Variants in NWD2 observed in about 807,000 individuals in gnomAD.
NWD2 encodes the protein NACHT and WD repeat domain-containing protein 2.
In NWD2, 37 loss-of-function variants were observed where a neutral mutation model predicts 132.7. The ratio of observed to expected loss-of-function variants is 0.28; its 90% CI spans 0.21 to 0.37. The LOEUF is 0.37. Among genes scored for constraint, NWD2 ranks in the 10% least tolerant of loss-of-function variants. NWD2 has a pLI of 1.00. For missense variants in NWD2, 1,592 were observed against 2,122.4 expected, an observed-to-expected ratio of 0.75 and a Z score of 4.91; for synonymous variants, 705 against 803.0, an observed-to-expected ratio of 0.88 and a Z score of 2.06.
intron 1 of NWD2, among the ~76,000 whole-genome samples, chr4:37,258,480 G>T (rs774301132): frequency 2.0e-5 from 3 of 152,234 alleles, no homozygotes; most frequent in Admixed American, 6.5e-5. Flanking sequence ...CTTGAATCTA[G>T]AAAGTGTTAA....
intron 5 of NWD2, among the ~76,000 whole-genome samples, chr4:37,434,786 T>C (rs752989213): frequency 9.0e-6 from 1 of 110,910 alleles, no homozygotes; most frequent in Non-Finnish European, 2.0e-5. Context: ...TTTTTTTTTT[T>C]CTTTTTTTTT....
At chr4:37,348,891 T>TTC (rs1028557342) in intron 2 of NWD2, among the ~76,000 whole-genome samples, 6 of 151,516 alleles carry the variant, frequency 4.0e-5, no homozygotes. Context: ...TGTGCATGTG[T>TTC]TCTCATTGTT....
intron 2 of NWD2, among the ~76,000 whole-genome samples, chr4:37,332,501 T>G (rs1157667696): frequency 6.7e-6 from 1 of 149,676 alleles, no homozygotes; most frequent in Non-Finnish European, 1.5e-5. Flanking sequence ...ACTCATCACT[T>G]GCTGACTAAA....
At chr4:37,276,988 G>T (rs1718031495) in intron 1 of NWD2, among the ~76,000 whole-genome samples, 2 of 151,718 alleles carry the variant, frequency 1.3e-5, no homozygotes, top group Admixed American at 1.3e-4. Context: ...CTGTTGTGGG[G>T]TTGGGGGATG....
Position 37,253,068 on chromosome 4 carries a change from C to A in NWD2, c.151+7850C>A, listed in dbSNP as rs1344388395. Among the ~76,000 whole-genome samples the A allele has an allele frequency of 3.4e-5, 5 of 149,248 alleles. No individual in the cohort carries two copies. The Admixed American group carries it at 3.4e-4, about 10-fold the overall frequency. On this transcript the variant is annotated intron_variant, in intron 1 of 6. Coordinates refer to ENST00000309447, the MANE Select transcript of NWD2 (RefSeq NM_001144990.2). Reference sequence around the variant, plus strand: ...GTTATAATTAGATTATGTGAGATAACAAGAGCATAATCCAGGGGCACTGCA... The same window carrying A: ...GTTATAATTAGATTATGTGAGATAAAAAGAGCATAATCCAGGGGCACTGCA...
At chr4:37,422,861 C>T (rs1355567887) in intron 3 of NWD2, among the ~76,000 whole-genome samples, 2 of 152,172 alleles carry the variant, frequency 1.3e-5, no homozygotes, top group Admixed American at 1.3e-4. Context: ...CTTTCTTTAT[C>T]TGCAGATTAG....
intron 2 of NWD2, among the ~76,000 whole-genome samples, chr4:37,342,483 G>C (rs997692499): frequency 2.0e-5 from 3 of 152,150 alleles, no homozygotes; most frequent in African/African-American, 7.2e-5. Flanking sequence ...ACTGACAAAG[G>C]CGTATGGTTT....
intron 2 of NWD2, among the ~76,000 whole-genome samples, chr4:37,349,747 T>C (rs1163054023): frequency 2.6e-5 from 4 of 152,242 alleles, no homozygotes; most frequent in African/African-American, 9.6e-5. Context: ...GTTTTAGTCA[T>C]GAAGTCTTTG....
chr4:37,325,740 G>GT, intron 1 of NWD2, among the ~76,000 whole-genome samples, 196 bp from the exon 2 acceptor site: 1 of 152,240 alleles, frequency 6.6e-6, no homozygotes, highest in East Asian at 1.9e-4. Flanking sequence ...TGGACTGCTC[G>GT]TGAGTGCCTG....
chr4:37,257,752 AATG>A (rs1337957965), intron 1 of NWD2, among the ~76,000 whole-genome samples: 4 of 152,206 alleles, frequency 2.6e-5, no homozygotes, highest in African/African-American at 7.2e-5. Context: ...AGATTTTTAA[AATG>A]ATGATTTAAT....
intron 3 of NWD2, among the ~76,000 whole-genome samples, chr4:37,357,786 A>G (rs1006242478): frequency 1.3e-5 from 2 of 152,170 alleles, no homozygotes; most frequent in Non-Finnish European, 2.9e-5. Context: ...ATGAAAGAAA[A>G]GAGAGAATAC....
intron 4 of NWD2, 131 bp downstream of exon 4, chr4:37,430,906 T>G (rs916742801): frequency 6.8e-6 from 5 of 740,726 alleles, no homozygotes. Context: ...GCCCCAGGTT[T>G]TCCTTTTAAC....
At chr4:37,435,061 G>A (rs1712287209) in intron 5 of NWD2, among the ~76,000 whole-genome samples, 1 of 152,160 alleles carries the variant, frequency 6.6e-6, no homozygotes, top group South Asian at 2.1e-4. Flanking sequence ...AGGCTCACCT[G>A]TTGGCCTTTC....
intron 1 of NWD2, among the ~76,000 whole-genome samples, chr4:37,318,234 C>T (rs1040157472): frequency 2.0e-5 from 3 of 151,876 alleles, no homozygotes; most frequent in Admixed American, 1.3e-4. Flanking sequence ...ACCATGTTGG[C>T]CAGGCTGGTC....
intron 1 of NWD2, among the ~76,000 whole-genome samples, chr4:37,271,423 T>G (rs965453803): frequency 2.6e-5 from 4 of 151,856 alleles, no homozygotes; most frequent in Admixed American, 2.6e-4. Flanking sequence ...CTTGCACATC[T>G]TTTGTTAAAT....
chr4:37,310,080 G>A (rs1342996), intron 1 of NWD2, among the ~76,000 whole-genome samples: 7,201 of 152,068 alleles, frequency 0.047, 508 homozygotes, highest in African/African-American at 0.15. Flanking sequence ...CCATACCATT[G>A]TCACATTGAG....
Position 37,330,562 on chromosome 4 carries a change from C to T in NWD2, c.240+4538C>T, listed in dbSNP as rs138089848. The stretch of plus-strand genomic sequence containing the variant: ...TGGAACTCTTCTCCATCCCCATTGC[C>T]GAGGTCCTGGTCTAACCCTCATTGC... On this transcript the variant is annotated intron_variant, in intron 2 of 6. Transcript: ENST00000309447. 2.6e-3 allele frequency among the ~76,000 whole-genome samples: 399 copies of T among 152,270 alleles called. 1 individual carries two copies. Among genetic ancestry groups the T allele is most frequent in the Middle Eastern group, 0.01 (3 of 294 alleles).
At chr4:37,278,308 G>T (rs772234709) in intron 1 of NWD2, among the ~76,000 whole-genome samples, 11 of 152,090 alleles carry the variant, frequency 7.2e-5, no homozygotes, top group Non-Finnish European at 1.5e-4. Flanking sequence ...CTACAACCTT[G>T]GGTGAGAAGA....
At chr4:37,361,296 G>C (rs1476560250) in intron 3 of NWD2, among the ~76,000 whole-genome samples, 1 of 152,030 alleles carries the variant, frequency 6.6e-6, no homozygotes, top group Non-Finnish European at 1.5e-5. Flanking sequence ...AAACTTAAGG[G>C]GAAGGGACTG....
Sources: allele counts gnomAD v4.1 joint callset (sites outside exome capture counted in the v4.1 genomes callset), GRCh38; gene constraint gnomAD v4.1.1; transcripts MANE v1.5; gene names NCBI Gene and HGNC (gene_info 2026-07-23, HGNC 2026-07-21).